Variants in GRIK4 observed in about 807,000 individuals in gnomAD.
The protein encoded by GRIK4 is glutamate ionotropic receptor kainate type subunit 4.
Under a neutral mutation model 104.9 loss-of-function variants are expected in GRIK4, and 40 were observed. The observed-to-expected ratio is 0.38, with a 90% CI of 0.30 to 0.50. GRIK4 has a LOEUF of 0.50. GRIK4 is among the 20% of genes least tolerant of loss of function. GRIK4 has a pLI of 0.93. For missense variants in GRIK4, 1,047 were observed against 1,308.1 expected (o/e 0.80, Z 3.08); for synonymous variants, 485 against 524.9 (o/e 0.92, Z 1.04).
In GRIK4 at chr11:120,988,589, A is replaced by G. The variant is rs925293120; in HGVS notation, c.*2329A>G. On this transcript the variant is annotated 3_prime_UTR_variant, in exon 21 of 21. Coordinates refer to ENST00000527524, the MANE Select transcript of GRIK4 (RefSeq NM_014619.5). ...ACTAGACGGTTTCTGTTAGCTGCTG[A>G]GACCAGGGCCTCACCTTGCTCAAGC... is the stretch of plus-strand genomic sequence containing the variant. The G allele has an allele frequency of 2.6e-5, 4 of 152,180 alleles. No individual in the cohort carries two copies. The highest frequency in any genetic ancestry group is 9.7e-5 in the African/African-American group (4 of 41,440). The allele number at this position is 152,180 out of a possible 1,614,324, so 9.4% of individuals were successfully genotyped here. A position where few individuals can be genotyped will look rare whatever the true frequency, so the allele number is the denominator to read the frequency against.
intron 6 of GRIK4, among the ~76,000 whole-genome samples, chr11:120,823,710 TG>T (rs1215546426): frequency 6.6e-6 from 1 of 152,212 alleles, no homozygotes; most frequent in African/African-American, 2.4e-5. Flanking sequence ...GAACAACATG[TG>T]CCCTTGTTCC....
intron 9 of GRIK4, among the ~76,000 whole-genome samples, chr11:120,866,818 G>A (rs185534275): frequency 1.3e-5 from 2 of 152,158 alleles, no homozygotes; most frequent in East Asian, 1.9e-4. Context: ...TAAAATGGAC[G>A]AGTGTTCTTT....
intron 19 of GRIK4, among the ~76,000 whole-genome samples, chr11:120,981,718 G>C (rs1197915048): frequency 6.6e-6 from 1 of 152,210 alleles, no homozygotes; most frequent in Non-Finnish European, 1.5e-5. Context: ...GGAAGATTGA[G>C]TAAAACTTTA....
chr11:120,841,836 T>G (rs1953724778), intron 8 of GRIK4, among the ~76,000 whole-genome samples: 1 of 152,182 alleles, frequency 6.6e-6, no homozygotes, highest in Non-Finnish European at 1.5e-5. Context: ...TCAGATGTGT[T>G]TTTTATTTCT....
intron 3 of GRIK4, among the ~76,000 whole-genome samples, chr11:120,666,804 A>T (rs193102282): frequency 2.0e-5 from 3 of 152,328 alleles, no homozygotes; most frequent in Non-Finnish European, 2.9e-5. Context: ...TTCAACAGGG[A>T]TGAACACCAT....
Position 120,967,318 on chromosome 11 carries a change from C to T in GRIK4, c.2390C>T (p.Ala797Val). 1 of 1,612,360 alleles carries T rather than the reference C, an allele frequency of 6.2e-7. No homozygotes were observed. Among genetic ancestry groups the T allele is most frequent in the Non-Finnish European group, 8.5e-7 (1 of 1,179,122 alleles). Residue 797 changes from alanine (A) to valine (V), a missense_variant, in exon 19 of 21, where the codon GCT (alanine) becomes GTT (valine). By Grantham distance (64) the Ala-to-Val change is moderately conservative (BLOSUM62 0). This residue lies in a region of GRIK4 where 440 missense variants were observed against 652.3 expected (regional missense o/e 0.67). Transcript: ENST00000527524. The surrounding 1 kb of genome is among the most constrained non-coding windows in gnomAD (Gnocchi z 4.2). The stretch of plus-strand genomic sequence containing the variant: ...TGCCCCAAGGAGGAAGATCACAGAG[C>T]TAAAGGTAAGGACGTTCAGGGCCAT... ...GKCPKEEDHR[A>V]KGLGMENIGG...
intron 3 of GRIK4, among the ~76,000 whole-genome samples, chr11:120,768,289 G>A (rs1471541640): frequency 1.3e-5 from 2 of 151,818 alleles, no homozygotes; most frequent in African/African-American, 4.8e-5. Flanking sequence ...TTTATTCCTA[G>A]ATATTTTGTT....
intron 9 of GRIK4, among the ~76,000 whole-genome samples, chr11:120,865,780 T>G (rs1480690935): frequency 1.3e-5 from 2 of 152,174 alleles, no homozygotes; most frequent in Non-Finnish European, 2.9e-5. Context: ...CCATTTGTAT[T>G]GCCATCAAGG....
In GRIK4 at chr11:120,513,934, T is replaced by A. The variant is rs1054131029; in HGVS notation, c.-159+2047T>A. On this transcript the variant is annotated intron_variant, in intron 1 of 20. Transcript: ENST00000527524. This position sits in a 1 kb window ranked among gnomAD's most constrained non-coding sequence, Gnocchi z 4.5. ...CGGCTTCGTGGTCTGATTTCCACTT[T>A]GGTTTTCCCTTAGGATGGAGAGGGA... 9.8e-5 allele frequency among the ~76,000 whole-genome samples: 15 copies of A among 152,320 alleles called. No homozygotes were observed. The highest frequency in any genetic ancestry group is 3.1e-4 in the African/African-American group (13 of 41,572).
chr11:120,944,150 G>C (rs1943796639), intron 14 of GRIK4, among the ~76,000 whole-genome samples: 1 of 149,258 alleles, frequency 6.7e-6, no homozygotes, highest in East Asian at 2.0e-4. Context: ...CTCTCTCTCT[G>C]TCTCTCTCTC....
chr11:120,698,135 A>T lies in GRIK4; in HGVS notation c.82+37735A>T, dbSNP rs80309424. 7.3e-3 allele frequency among the ~76,000 whole-genome samples: 1,116 copies of T among 152,268 alleles called. 58 individuals are homozygous for T. The East Asian group carries it at 0.13, about 18-fold the overall frequency. On this transcript the variant is annotated intron_variant, in intron 3 of 20. Coordinates refer to ENST00000527524, the MANE Select transcript of GRIK4 (RefSeq NM_014619.5). ...CAAGTGTTTTGAAAAAACCTACTTT[A>T]CTCTGTCAAGATGAAACCTAAAGAG...
At chr11:120,788,533 G>A (rs539759565) in intron 3 of GRIK4, among the ~76,000 whole-genome samples, 12 of 152,220 alleles carry the variant, frequency 7.9e-5, no homozygotes, top group East Asian at 5.8e-4. Flanking sequence ...GTGGCCATGC[G>A]TCTGTGTCAA....
intron 3 of GRIK4, among the ~76,000 whole-genome samples, chr11:120,741,884 T>G (rs1951339676): frequency 6.6e-6 from 1 of 152,166 alleles, no homozygotes. Context: ...GTCTCTGCCC[T>G]GGGGGAATTC....
At position 120,971,958 on chromosome 11, in the gene GRIK4, G is replaced by A. The variant is rs144723159; in HGVS notation, c.2395+4635G>A. Among the ~76,000 whole-genome samples, 868 of 152,338 alleles carry A rather than the reference G, an allele frequency of 5.7e-3. 6 individuals carry two copies. The highest frequency in any genetic ancestry group is 0.02 in the African/African-American group (831 of 41,578). On this transcript the variant is annotated intron_variant, in intron 19 of 20. Transcript: ENST00000527524. ...TTCACAGGAGGAACCAAAAGCAGAG[G>A]AGACTAAATGGGAGCTGCTGGGGAT...
At chr11:120,599,922 G>A (rs1380666048) in intron 1 of GRIK4, among the ~76,000 whole-genome samples, 3 of 152,252 alleles carry the variant, frequency 2.0e-5, no homozygotes, top group Non-Finnish European at 2.9e-5. Context: ...GGCTTTTGGT[G>A]TCTCTTGCAG....
At chr11:120,777,382 C>T (rs1237344807) in intron 3 of GRIK4, among the ~76,000 whole-genome samples, 1 of 152,242 alleles carries the variant, frequency 6.6e-6, no homozygotes, top group Non-Finnish European at 1.5e-5. Context: ...GTGAAACCTT[C>T]CTGGGCAACT....
At chr11:120,911,242 T>C (rs1182737732) in intron 13 of GRIK4, among the ~76,000 whole-genome samples, 2,003 of 142,332 alleles carry the variant, frequency 0.014, 42 homozygotes, top group African/African-American at 0.05. Flanking sequence ...AAAATTCTCT[T>C]TTTTTTTTTT....
At chr11:120,545,367 T>C (rs1207630134) in intron 1 of GRIK4, among the ~76,000 whole-genome samples, 1 of 152,212 alleles carries the variant, frequency 6.6e-6, no homozygotes, top group Non-Finnish European at 1.5e-5. Context: ...ATGTGCTCAT[T>C]GAAGAGAGTT....
chr11:120,718,763 C>T (rs142163401), intron 3 of GRIK4, among the ~76,000 whole-genome samples: 8 of 152,340 alleles, frequency 5.3e-5, no homozygotes, highest in South Asian at 4.1e-4. Flanking sequence ...GTGCCCAGGA[C>T]CTGCCAGTAC....
Sources: gnomAD v4.1 joint callset for allele counts (sites outside exome capture counted in the v4.1 genomes callset) on GRCh38, gnomAD v4.1.1 for gene constraint, gnomAD v4.1.1 regional missense constraint, Gnocchi (gnomAD v3.1) non-coding constraint, MANE v1.5 for transcripts, NCBI Gene and HGNC (gene_info 2026-07-23, HGNC 2026-07-21) for gene names.